The following GABRG3 variants were observed in gnomAD, a reference collection of about 807,000 sequenced individuals.
GABRG3 encodes gamma-aminobutyric acid receptor subunit gamma-3.
GABRG3 carries 25 observed loss-of-function variants against 48.8 expected under a neutral mutation model. The ratio of observed to expected loss-of-function variants is 0.51; its 90% CI spans 0.37 to 0.72. The LOEUF (loss-of-function observed/expected upper bound fraction) is 0.72, where lower values mean the gene tolerates loss of function less well. Among genes scored for constraint, GABRG3 ranks in the 30% least tolerant of loss-of-function variants. The pLI, the probability that GABRG3 is intolerant of heterozygous loss-of-function variation, is 0.00. For missense variants in GABRG3, 394 were observed against 577.9 expected, an observed-to-expected ratio of 0.68 and a Z score of 3.26; for synonymous variants, 227 against 217.6, an observed-to-expected ratio of 1.04 and a Z score of -0.38.
At chr15:27,243,343 G>C (rs563227906) in intron 3 of GABRG3, among the ~76,000 whole-genome samples, 1 of 152,156 alleles carries the variant, frequency 6.6e-6, no homozygotes, top group African/African-American at 2.4e-5. Flanking sequence ...TGTATCAAGG[G>C]GTCAGCCAAT....
intron 2 of GABRG3, among the ~76,000 whole-genome samples, chr15:27,001,611 C>A (rs1895448802): frequency 6.6e-6 from 1 of 152,188 alleles, no homozygotes; most frequent in South Asian, 2.1e-4. Flanking sequence ...CACTGGGATA[C>A]TCTTTATTAG....
intron 3 of GABRG3, among the ~76,000 whole-genome samples, chr15:27,237,421 G>A (rs1890007250): frequency 6.6e-6 from 1 of 152,204 alleles, no homozygotes; most frequent in Non-Finnish European, 1.5e-5. Context: ...CCAGTCCTGG[G>A]CTGCAGGATC....
chr15:27,021,498 A>G lies in GABRG3; in HGVS notation c.203-5256A>G, dbSNP rs1177633371. 2.6e-5 allele frequency among the ~76,000 whole-genome samples: 4 copies of G among 152,072 alleles called. No homozygotes were observed. In the South Asian group the frequency reaches 6.2e-4, roughly 24 times the overall value. On this transcript the variant is annotated intron_variant, in intron 2 of 9. Coordinates refer to ENST00000615808, the MANE Select transcript of GABRG3 (RefSeq NM_033223.5). ...GGAAATACATCTTTTCTTCTCCACT[A>G]CTGTATGTTAAGTTAATTTCCCTAA...
intron 3 of GABRG3, among the ~76,000 whole-genome samples, chr15:27,243,743 C>A (rs1430655174): frequency 6.6e-6 from 1 of 152,102 alleles, no homozygotes; most frequent in African/African-American, 2.4e-5. Flanking sequence ...AATTCAACAT[C>A]AGTTAATACT....
At chr15:27,378,564 T>C (rs1474415452) in intron 5 of GABRG3, among the ~76,000 whole-genome samples, 3 of 152,226 alleles carry the variant, frequency 2.0e-5, no homozygotes, top group African/African-American at 7.2e-5. Context: ...GATTCCAAAA[T>C]TTCATAGTTT....
rs146954127 is a variant in GABRG3 at position 27,222,588 on chromosome 15, A to C, written c.271-104221A>C. 1.3e-3 allele frequency among the ~76,000 whole-genome samples: 196 copies of C among 152,346 alleles called. 1 individual carries two copies. Among genetic ancestry groups the C allele is most frequent in the African/African-American group, 4.5e-3 (189 of 41,578 alleles). ...CAGGAACTTAGTCACTTAGTCTCTC[A>C]GTGTAAACAATGACCTAAGAACTAG... On this transcript the variant is annotated intron_variant, in intron 3 of 9. Transcript: ENST00000615808.
At chr15:27,425,985 A>G (rs1888279661) in intron 5 of GABRG3, among the ~76,000 whole-genome samples, 2 of 152,226 alleles carry the variant, frequency 1.3e-5, no homozygotes, top group South Asian at 2.1e-4. Context: ...TCTGGCTACA[A>G]TGGCAATGGA....
At chr15:27,087,964 A>G (rs1897109147) in intron 3 of GABRG3, among the ~76,000 whole-genome samples, 2 of 122,158 alleles carry the variant, frequency 1.6e-5, no homozygotes, top group East Asian at 2.5e-4. Flanking sequence ...TGTGCTGTGG[A>G]GTGTGTGTGT....
chr15:27,516,533 T>C (rs1891023267), intron 6 of GABRG3, among the ~76,000 whole-genome samples: 3 of 152,336 alleles, frequency 2.0e-5, no homozygotes, highest in Middle Eastern at 3.4e-3. Context: ...TCAGTTGAAG[T>C]TGATTTGTCC....
intron 5 of GABRG3, among the ~76,000 whole-genome samples, chr15:27,400,311 A>AT (rs1037803397): frequency 1.3e-5 from 2 of 152,154 alleles, no homozygotes; most frequent in Admixed American, 6.5e-5. Flanking sequence ...ACAATTTAAG[A>AT]TTTTTTTGCA....
At chr15:27,171,185 A>G (rs578261063) in intron 3 of GABRG3, among the ~76,000 whole-genome samples, 45 of 152,292 alleles carry the variant, frequency 3.0e-4, no homozygotes, top group African/African-American at 9.9e-4. Flanking sequence ...GCTAAAATAT[A>G]GTCTGTACAC....
chr15:27,340,483 T>C lies in GABRG3; in HGVS notation c.574+11595T>C, dbSNP rs1404356376. 2.0e-5 allele frequency: 3 copies of C among 152,314 alleles called. No homozygotes were observed. In the East Asian group the frequency reaches 5.8e-4, roughly 29 times the overall value. 9.4% of individuals were successfully genotyped at this position (152,314 alleles called of 1,614,324 possible). On this transcript the variant is annotated intron_variant, in intron 5 of 9. Transcript: ENST00000615808. ...ACCAAGCTCTCTGTTGAGTTAAACA[T>C]GCAACCAGGAGTATGATCCATACTC... is the stretch of plus-strand genomic sequence containing the variant.
chr15:27,414,413 G>C (rs1006021525), intron 5 of GABRG3, among the ~76,000 whole-genome samples: 1 of 152,032 alleles, frequency 6.6e-6, no homozygotes, highest in African/African-American at 2.4e-5. Context: ...ATTGGGAGAC[G>C]GATTTCTTCC....
chr15:27,039,327 T>G (rs1164995588), intron 3 of GABRG3, among the ~76,000 whole-genome samples: 1 of 152,180 alleles, frequency 6.6e-6, no homozygotes, highest in Non-Finnish European at 1.5e-5. Flanking sequence ...GGACAGGATG[T>G]GGAGCTAGAC....
chr15:27,063,128 G>A (rs145133063), intron 3 of GABRG3, among the ~76,000 whole-genome samples: 171 of 152,318 alleles, frequency 1.1e-3, no homozygotes, highest in African/African-American at 4.0e-3. Flanking sequence ...GCCTAAGCCC[G>A]ACTAAACTGT....
chr15:27,122,556 G>A (rs900382923), intron 3 of GABRG3, among the ~76,000 whole-genome samples: 2 of 152,120 alleles, frequency 1.3e-5, no homozygotes, highest in Admixed American at 1.3e-4. Flanking sequence ...CTTTGCACTT[G>A]GTAAAAAATA....
rs1348055898 is a variant in GABRG3 at position 27,141,681 on chromosome 15, C to T, written c.270+114860C>T. ...TGGCAGTTAACAAACTTCTTATTTACCATAAAGTATTTAATAAAAAATATG... is the reference window on the plus strand; with the variant it reads ...TGGCAGTTAACAAACTTCTTATTTATCATAAAGTATTTAATAAAAAATATG... On this transcript the variant is annotated intron_variant, in intron 3 of 9. Transcript: ENST00000615808. Among the ~76,000 whole-genome samples the T allele has an allele frequency of 3.3e-5, 5 of 152,264 alleles. No individual in the cohort carries two copies. In the East Asian group the frequency reaches 5.8e-4, roughly 18 times the overall value.
chr15:27,345,637 C>G (rs556507274), intron 5 of GABRG3, among the ~76,000 whole-genome samples: 4 of 152,294 alleles, frequency 2.6e-5, no homozygotes, highest in Admixed American at 2.0e-4. Context: ...CTCTAGTACT[C>G]CTTTCTTTTT....
At chr15:27,491,119 C>T (rs1890343187) in intron 6 of GABRG3, among the ~76,000 whole-genome samples, 1 of 152,174 alleles carries the variant, frequency 6.6e-6, no homozygotes, top group East Asian at 1.9e-4. Context: ...CTCTCATGCC[C>T]TCCTTCCTTG....
Sources: gnomAD v4.1 joint callset for allele counts (sites outside exome capture counted in the v4.1 genomes callset) on GRCh38, gnomAD v4.1.1 for gene constraint, MANE v1.5 for transcripts, NCBI Gene and HGNC (gene_info 2026-07-23, HGNC 2026-07-21) for gene names.